The following VCL variants were observed in gnomAD, a reference collection of about 807,000 sequenced individuals.
VCL encodes vinculin.
Under a neutral mutation model 125.7 loss-of-function variants are expected in VCL, and 47 were observed. The ratio of observed to expected loss-of-function variants is 0.37; its 90% confidence interval spans 0.30 to 0.48. VCL has a LOEUF of 0.48. Among genes scored for constraint, VCL ranks in the 20% least tolerant of loss-of-function variants. The pLI is 0.99. For synonymous variants in VCL, 458 were observed against 514.6 expected, an observed-to-expected ratio of 0.89 and a Z score of 1.49; for missense variants, 1,069 against 1,455.5, an observed-to-expected ratio of 0.73 and a Z score of 4.32.
chr10:74,030,726 AC>A (rs1345156193), intron 1 of VCL, among the ~76,000 whole-genome samples: 1 of 152,206 alleles, frequency 6.6e-6, no homozygotes, highest in Admixed American at 6.5e-5. Flanking sequence ...TTGCTGCCAG[AC>A]CTTCTAAGAT....
intron 1 of VCL, among the ~76,000 whole-genome samples, chr10:74,004,308 C>T (rs1002803887): frequency 1.3e-5 from 2 of 152,094 alleles, no homozygotes; most frequent in African/African-American, 4.8e-5. Context: ...TTTATAATCT[C>T]ATAGCAGTCT....
chr10:74,042,642 C>T (rs1236667554), intron 1 of VCL, among the ~76,000 whole-genome samples: 2 of 152,138 alleles, frequency 1.3e-5, no homozygotes, highest in African/African-American at 4.8e-5. Context: ...TTTCTAGTGT[C>T]AGAATCATAA....
chr10:74,063,872 C>CT (rs1245541680), intron 2 of VCL: 44 of 151,444 alleles, frequency 2.9e-4, no homozygotes, highest in African/African-American at 9.9e-4. Context: ...AGATGTATGG[C>CT]TTTTTTTTTC....
At position 74,118,397 on chromosome 10, in the gene VCL, C is replaced by G. The variant is rs1428543648; in HGVS notation, c.*228C>G. Reference sequence around the variant, plus strand: ...GCCTGTATTCTCAAACACAGTTACACTTGTGCACCCTCTATCCCAATAGGC... The same window carrying G: ...GCCTGTATTCTCAAACACAGTTACAGTTGTGCACCCTCTATCCCAATAGGC... On this transcript the variant is annotated 3_prime_UTR_variant, in exon 22 of 22. Coordinates refer to ENST00000211998, the MANE Select transcript of VCL (RefSeq NM_014000.3). 1 of 582,270 alleles carries G rather than the reference C, an allele frequency of 1.7e-6. No individual in the cohort carries two copies. The highest frequency in any genetic ancestry group is 3.1e-6 in the Non-Finnish European group (1 of 327,752). 36.1% of individuals were successfully genotyped at this position (582,270 alleles called of 1,614,324 possible). A position where few individuals can be genotyped will look rare whatever the true frequency, so the allele number is the denominator to read the frequency against.
At chr10:74,006,398 A>C (rs967826481) in intron 1 of VCL, among the ~76,000 whole-genome samples, 1 of 152,248 alleles carries the variant, frequency 6.6e-6, no homozygotes, top group Non-Finnish European at 1.5e-5. Context: ...GTAAGAGGGC[A>C]AAAGTCCTCT....
chr10:74,105,358 G>A lies in VCL; in HGVS notation c.2434+5G>A, dbSNP rs1459081905. ...CTGGAAACATTTCCGACCCTGGTAA[G>A]CAATGCATGGCACTATGTCTCACCT... On this transcript the variant is annotated splice_donor_5th_base_variant and intron_variant, in intron 16 of 21. Transcript: ENST00000211998. 6.2e-7 allele frequency: 1 copy of A among 1,612,094 alleles called. No individual in the cohort carries two copies. Among genetic ancestry groups the A allele is most frequent in the South Asian group, 1.1e-5 (1 of 90,992 alleles).
intron 1 of VCL, among the ~76,000 whole-genome samples, chr10:74,006,374 T>C (rs1313372536): frequency 1.3e-5 from 2 of 152,180 alleles, no homozygotes; most frequent in East Asian, 3.8e-4. Flanking sequence ...CTGGTATAAC[T>C]CTAAATGGAC....
chr10:74,066,788 C>T (rs1841577251), intron 2 of VCL, among the ~76,000 whole-genome samples: 1 of 151,736 alleles, frequency 6.6e-6, no homozygotes, highest in African/African-American at 2.4e-5. Flanking sequence ...TCTCCTCCCT[C>T]AGCCTCCTGT....
chr10:74,037,022 T>A (rs1274657098), intron 1 of VCL, among the ~76,000 whole-genome samples: 1 of 152,030 alleles, frequency 6.6e-6, no homozygotes, highest in Admixed American at 6.5e-5. Flanking sequence ...GCCATTCTCC[T>A]GCCTCAGCCT....
intron 1 of VCL, 67 bp downstream of exon 1, chr10:73,998,442 C>T: frequency 7.7e-7 from 1 of 1,300,312 alleles, no homozygotes; most frequent in Non-Finnish European, 9.7e-7. Flanking sequence ...GCCCGCGTCG[C>T]GGCTGCCTGT....
At chr10:74,104,464 A>C (rs998579535) in intron 15 of VCL, among the ~76,000 whole-genome samples, 1 of 152,120 alleles carries the variant, frequency 6.6e-6, no homozygotes, top group Non-Finnish European at 1.5e-5. Context: ...TTCTCTGTAA[A>C]GGGAGAGATA....
At chr10:74,019,880 T>A (rs758115924) in intron 1 of VCL, among the ~76,000 whole-genome samples, 6 of 152,024 alleles carry the variant, frequency 3.9e-5, no homozygotes, top group Non-Finnish European at 7.4e-5. Flanking sequence ...CTGGCCAAAA[T>A]GGTGAAACCC....
chr10:74,120,011 T>TAAAAAAAAAAAAAAAA lies in VCL; in HGVS notation c.*1847_*1862dup, dbSNP rs3037361. On this transcript the variant is annotated 3_prime_UTR_variant, in exon 22 of 22. Coordinates refer to ENST00000211998, the MANE Select transcript of VCL (RefSeq NM_014000.3). The stretch of plus-strand genomic sequence containing the variant: ...GTGCTCGAGACACAGTGAAGCAAAT[T>TAAAAAAAAAAAAAAAA]AAAAAAAAAAAAAAAAAAAATCCCT... 1 of 129,102 alleles carries TAAAAAAAAAAAAAAAA rather than the reference T, an allele frequency of 7.7e-6. No individual in the cohort carries two copies. The allele number at this position is 129,102 out of a possible 1,614,324, so 8.0% of individuals were successfully genotyped here.
chr10:74,056,169 G>T (rs1841386755), intron 2 of VCL, among the ~76,000 whole-genome samples: 1 of 150,404 alleles, frequency 6.6e-6, no homozygotes, highest in African/African-American at 2.5e-5. Context: ...GAGCCTGTGG[G>T]TTTTGTGTGT....
chr10:74,073,585 T>A (rs1458530480), intron 5 of VCL, among the ~76,000 whole-genome samples: 2 of 152,214 alleles, frequency 1.3e-5, no homozygotes, highest in Admixed American at 1.3e-4. Flanking sequence ...GAGCCCTTTT[T>A]AGTGTGTATT....
intron 12 of VCL, among the ~76,000 whole-genome samples, chr10:74,096,309 C>T (rs1007743876): frequency 2.0e-5 from 3 of 151,784 alleles, no homozygotes; most frequent in African/African-American, 7.3e-5. Flanking sequence ...TTGAAGATCA[C>T]GTCACTGCAC....
intron 6 of VCL, chr10:74,077,641 C>T (rs1159709975): frequency 9.1e-6 from 4 of 440,926 alleles, no homozygotes. Context: ...CTTCTCGCCC[C>T]TACCAATAAA....
intron 2 of VCL, among the ~76,000 whole-genome samples, chr10:74,058,071 T>G (rs1335549948): frequency 1.7e-4 from 26 of 152,084 alleles, no homozygotes; most frequent in Admixed American, 1.7e-3. Context: ...CCTGACAGGA[T>G]GGGAAGGGAA....
chr10:74,064,775 C>G (rs927081244), intron 2 of VCL, among the ~76,000 whole-genome samples: 2 of 152,118 alleles, frequency 1.3e-5, no homozygotes, highest in Non-Finnish European at 2.9e-5. Flanking sequence ...TTGGATCACT[C>G]ATTCTTTTTA....
Sources: gnomAD v4.1 joint callset for allele counts (sites outside exome capture counted in the v4.1 genomes callset) on GRCh38, gnomAD v4.1.1 for gene constraint, MANE v1.5 for transcripts, NCBI Gene and HGNC (gene_info 2026-07-23, HGNC 2026-07-21) for gene names.